Variants in SLIT3 observed in about 807,000 individuals in gnomAD.
SLIT3 encodes slit guidance ligand 3.
A neutral mutation model predicts 184.0 loss-of-function variants in SLIT3; 68 were observed. The ratio of observed to expected loss-of-function variants is 0.37; its 90% CI spans 0.30 to 0.45. The LOEUF is 0.45. SLIT3 is among the 20% of genes least tolerant of loss of function. SLIT3 has a pLI of 1.00. For missense variants in SLIT3, 1,707 were observed against 2,026.0 expected (o/e 0.84, Z 3.02); for synonymous variants, 831 against 828.6 (o/e 1.00, Z -0.05).
chr5:169,184,550 G>A (rs759161713), intron 4 of SLIT3, among the ~76,000 whole-genome samples: 17 of 152,164 alleles, frequency 1.1e-4, no homozygotes, highest in Non-Finnish European at 1.6e-4. Flanking sequence ...ATATGAGATC[G>A]ATGTTTCTTA....
chr5:169,017,671 A>G lies in SLIT3; in HGVS notation c.414-134335T>C, dbSNP rs572336720. Among the ~76,000 whole-genome samples the G allele has an allele frequency of 9.2e-4, 140 of 152,342 alleles. No homozygotes were observed. In the Middle Eastern group the frequency reaches 0.01, roughly 11 times the overall value. On this transcript the variant is annotated intron_variant, in intron 4 of 35. Transcript: ENST00000519560. ...TCTCCTGCAGCAATGGATGACCTTGAAGGTGCATGCTGCAGCAGTAATTCT... is the reference window on the plus strand; with the variant it reads ...TCTCCTGCAGCAATGGATGACCTTGGAGGTGCATGCTGCAGCAGTAATTCT...
At chr5:169,137,428 G>A (rs1761560773) in intron 4 of SLIT3, among the ~76,000 whole-genome samples, 1 of 151,740 alleles carries the variant, frequency 6.6e-6, no homozygotes, top group African/African-American at 2.4e-5. Context: ...GAGGCCTCAG[G>A]GGGCTGGTAA....
At chr5:168,846,602 C>A (rs1758479732) in intron 5 of SLIT3, among the ~76,000 whole-genome samples, 1 of 152,122 alleles carries the variant, frequency 6.6e-6, no homozygotes, top group African/African-American at 2.4e-5. Flanking sequence ...CTTCGAGAAA[C>A]TGTTCAATGA....
At chr5:168,768,135 G>A in intron 14 of SLIT3, 1 of 502,120 alleles carries the variant, frequency 2.0e-6, no homozygotes, top group Non-Finnish European at 4.1e-6. Flanking sequence ...GGCGGCGGTG[G>A]CGGGCCATGC....
chr5:169,267,975 A>G (rs548417911), intron 1 of SLIT3, among the ~76,000 whole-genome samples: 1 of 152,332 alleles, frequency 6.6e-6, no homozygotes, highest in Non-Finnish European at 1.5e-5. Flanking sequence ...TAAGAAAACG[A>G]AGGAACAGCC....
intron 20 of SLIT3, 104 bp downstream of exon 20, chr5:168,748,198 G>C: frequency 7.7e-7 from 1 of 1,299,304 alleles, no homozygotes; most frequent in Non-Finnish European, 1.0e-6. Flanking sequence ...GTCTCCCCCC[G>C]GCAGTTTCGC....
intron 20 of SLIT3, among the ~76,000 whole-genome samples, chr5:168,731,222 A>G (rs1302753674): frequency 6.6e-6 from 1 of 151,902 alleles, no homozygotes; most frequent in Admixed American, 6.6e-5. Flanking sequence ...AACCTCCTGA[A>G]ATTGAACCAG....
intron 25 of SLIT3, among the ~76,000 whole-genome samples, chr5:168,708,915 G>A (rs1762457977): frequency 6.6e-6 from 1 of 152,140 alleles, no homozygotes; most frequent in Non-Finnish European, 1.5e-5. Flanking sequence ...TGGCCTGATT[G>A]AGAGCTGGTA....
chr5:168,694,244 C>T (rs1761987812), intron 28 of SLIT3, among the ~76,000 whole-genome samples: 1 of 152,102 alleles, frequency 6.6e-6, no homozygotes, highest in Non-Finnish European at 1.5e-5. Flanking sequence ...TCAGTTCAAG[C>T]CCCTCCCCTG....
At position 168,735,661 on chromosome 5, in the gene SLIT3, T is replaced by TACACACACAC. The variant is rs150528782; in HGVS notation, c.2271-11187_2271-11178dup. Among the ~76,000 whole-genome samples, 356 of 142,170 alleles carry TACACACACAC rather than the reference T, an allele frequency of 2.5e-3. 1 individual carries two copies. The highest frequency in any genetic ancestry group is 3.1e-3 in the African/African-American group (119 of 38,146). 93.3% of individuals were successfully genotyped at this position (142,170 alleles called of 152,430 possible). ...ATACACATACATATAGACAGATAGA[T>TACACACACAC]ACACACACACACACACACACACACA... On this transcript the variant is annotated intron_variant, in intron 20 of 35. Transcript: ENST00000519560.
chr5:168,827,601 C>T (rs1049558039), intron 6 of SLIT3, among the ~76,000 whole-genome samples: 1 of 152,182 alleles, frequency 6.6e-6, no homozygotes, highest in African/African-American at 2.4e-5. Context: ...AGGATAACTC[C>T]TCCATCTCAG....
intron 4 of SLIT3, among the ~76,000 whole-genome samples, chr5:169,122,602 G>T (rs2113291868): frequency 6.6e-6 from 1 of 152,238 alleles, no homozygotes; most frequent in South Asian, 2.1e-4. Flanking sequence ...TTGAAAAGAG[G>T]ATGACACCAT....
chr5:168,853,606 A>C (rs923563080), intron 5 of SLIT3, among the ~76,000 whole-genome samples: 2 of 152,186 alleles, frequency 1.3e-5, no homozygotes, highest in Non-Finnish European at 2.9e-5. Flanking sequence ...AGCACCTTTT[A>C]AGTGTCTTAT....
At chr5:168,931,214 A>C (rs1188844466) in intron 4 of SLIT3, among the ~76,000 whole-genome samples, 1 of 152,198 alleles carries the variant, frequency 6.6e-6, no homozygotes, top group Non-Finnish European at 1.5e-5. Flanking sequence ...GAAAAAGAGA[A>C]AGAACGCATT....
intron 3 of SLIT3, among the ~76,000 whole-genome samples, chr5:169,198,976 A>ACACGTG (rs1554106510): frequency 7.4e-5 from 11 of 149,218 alleles, no homozygotes; most frequent in Admixed American, 4.0e-4. Flanking sequence ...ACACACACAC[A>ACACGTG]TATGTGTGTA....
intron 22 of SLIT3, 140 bp downstream of exon 22, chr5:168,722,793 A>AG (rs1346474970): frequency 1.4e-6 from 1 of 692,922 alleles, no homozygotes; most frequent in African/African-American, 1.8e-5. Context: ...CTGATGATTA[A>AG]GGTGTATCTT....
rs769944959 is a variant in SLIT3 at position 168,722,969 on chromosome 5, T to C, written c.2375A>G (p.Asn792Ser). 9.3e-6 allele frequency: 15 copies of C among 1,614,028 alleles called. No homozygotes were observed. The East Asian group carries it at 2.7e-4, about 29-fold the overall frequency. Residue 792 changes from asparagine to serine, a missense_variant, in exon 22 of 36, where the codon AAT becomes AGT. Asn to Ser is a conservative substitution (Grantham distance 46). Around this residue, in one of 3 missense-constraint regions of SLIT3, gnomAD observed 1,307 missense variants for 1,511.6 expected, o/e 0.86. Transcript: ENST00000519560. ...GTGAGACATGTTACTGAAGGTGTAA[T>C]TGGTCAGCATGCTGATGCTGTTGTT... is the stretch of plus-strand genomic sequence containing the variant. ...LSNNSISMLT[N>S]YTFSNMSHLS...
At chr5:169,036,819 T>C (rs1481929587) in intron 4 of SLIT3, among the ~76,000 whole-genome samples, 1 of 152,168 alleles carries the variant, frequency 6.6e-6, no homozygotes, top group East Asian at 1.9e-4. Context: ...GTTCAGAGAT[T>C]TCACTCGGTA....
intron 4 of SLIT3, among the ~76,000 whole-genome samples, chr5:168,939,574 GA>G (rs1477970373): frequency 6.6e-6 from 1 of 152,206 alleles, no homozygotes; most frequent in Admixed American, 6.5e-5. Context: ...GCAACTTTAA[GA>G]GTTCTCCTAT....
Sources: gnomAD v4.1 joint callset for allele counts (sites outside exome capture counted in the v4.1 genomes callset) on GRCh38, gnomAD v4.1.1 for gene constraint, gnomAD v4.1.1 regional missense constraint, MANE v1.5 for transcripts, NCBI Gene and HGNC (gene_info 2026-07-23, HGNC 2026-07-21) for gene names.